Variants in KCNK13 observed in about 807,000 individuals in gnomAD.
KCNK13 encodes the protein potassium channel subfamily K member 13.
In KCNK13, 12 loss-of-function variants were observed where a neutral mutation model predicts 23.4. That is an observed-to-expected ratio of 0.51 (90% CI 0.33 to 0.83). KCNK13 has a LOEUF of 0.83. KCNK13 is among the 40% of genes least tolerant of loss of function. The pLI, the probability that KCNK13 is intolerant of heterozygous loss-of-function variation, is 0.02. For missense variants in KCNK13, 463 were observed against 556.3 expected (o/e 0.83, Z 1.69); for synonymous variants, 231 against 229.5 (o/e 1.01, Z -0.06).
chr14:90,153,428 T>C (rs1246546398), intron 1 of KCNK13, among the ~76,000 whole-genome samples: 21 of 152,200 alleles, frequency 1.4e-4, no homozygotes. Flanking sequence ...CTGAATAAAA[T>C]GATCCATGTA....
chr14:90,151,665 G>A (rs766297230), intron 1 of KCNK13, among the ~76,000 whole-genome samples: 9 of 151,816 alleles, frequency 5.9e-5, no homozygotes, highest in African/African-American at 9.7e-5. Flanking sequence ...GCTTTTTGTC[G>A]CCTGTGTTTT....
At chr14:90,175,214 G>T (rs1234157890) in intron 1 of KCNK13, among the ~76,000 whole-genome samples, 1 of 152,098 alleles carries the variant, frequency 6.6e-6, no homozygotes, top group Admixed American at 6.5e-5. Context: ...CTTCTCAGGG[G>T]TACCTAGGTA....
chr14:90,084,583 A>C (rs1217246264), intron 1 of KCNK13, among the ~76,000 whole-genome samples: 1 of 152,194 alleles, frequency 6.6e-6, no homozygotes, highest in African/African-American at 2.4e-5. Context: ...CTGTGTGTCC[A>C]GATAGTTTTA....
At chr14:90,133,615 A>C (rs1278918304) in intron 1 of KCNK13, among the ~76,000 whole-genome samples, 2 of 140,580 alleles carry the variant, frequency 1.4e-5, no homozygotes, top group Non-Finnish European at 3.1e-5. Context: ...AAAAAAAAAA[A>C]CAGTTAAGAA....
chr14:90,076,593 T>C (rs1408090114), intron 1 of KCNK13, among the ~76,000 whole-genome samples: 1 of 152,196 alleles, frequency 6.6e-6, no homozygotes, highest in Non-Finnish European at 1.5e-5. Context: ...AACCCCCATC[T>C]GCACGTGAGC....
At chr14:90,114,392 G>A (rs969769453) in intron 1 of KCNK13, among the ~76,000 whole-genome samples, 2 of 152,128 alleles carry the variant, frequency 1.3e-5, no homozygotes, top group South Asian at 2.1e-4. Context: ...CTGACATCTC[G>A]TTGACACCCG....
chr14:90,173,787 G>T (rs1369981162), intron 1 of KCNK13, among the ~76,000 whole-genome samples: 1 of 152,204 alleles, frequency 6.6e-6, no homozygotes, highest in Non-Finnish European at 1.5e-5. Flanking sequence ...ATATCTTGAA[G>T]CAGGGGCTTA....
intron 1 of KCNK13, among the ~76,000 whole-genome samples, chr14:90,108,357 C>G (rs1254195939): frequency 6.6e-6 from 1 of 152,172 alleles, no homozygotes; most frequent in African/African-American, 2.4e-5. Flanking sequence ...CTACAGACTC[C>G]TTCTCCACAA....
intron 1 of KCNK13, among the ~76,000 whole-genome samples, chr14:90,103,718 T>A (rs1462719805): frequency 2.4e-4 from 36 of 152,058 alleles, no homozygotes; most frequent in Non-Finnish European, 4.7e-4. Flanking sequence ...TCCCACTACC[T>A]TCCCCGGCTA....
At chr14:90,072,762 T>C (rs1889091188) in intron 1 of KCNK13, among the ~76,000 whole-genome samples, 1 of 152,234 alleles carries the variant, frequency 6.6e-6, no homozygotes, top group South Asian at 2.1e-4. Context: ...CATTATTTCC[T>C]ATACACTTTC....
chr14:90,181,572 AC>A (rs1314632954), intron 1 of KCNK13, among the ~76,000 whole-genome samples: 1 of 152,170 alleles, frequency 6.6e-6, no homozygotes, highest in Non-Finnish European at 1.5e-5. Flanking sequence ...AAACACTCAG[AC>A]CACGGCAGTG....
intron 1 of KCNK13, among the ~76,000 whole-genome samples, chr14:90,085,772 A>G (rs1308944022): frequency 2.6e-5 from 3 of 116,854 alleles, no homozygotes; most frequent in Admixed American, 1.9e-4. Flanking sequence ...TATATAAATT[A>G]TATATATTAT....
Position 90,062,431 on chromosome 14 carries a change from C to T in KCNK13, c.226C>T (p.Arg76Cys). The T allele has an allele frequency of 2.6e-6, 4 of 1,547,590 alleles. No individual in the cohort carries two copies. The highest frequency in any genetic ancestry group is 2.6e-6 in the Non-Finnish European group (3 of 1,146,138). Reference sequence around the variant, plus strand: ...CCGCGACGAGCTGCGCGGCTTCCTCCGCCACTACGAGGAGGCCACTCGGGC... The same window carrying T: ...CCGCGACGAGCTGCGCGGCTTCCTCTGCCACTACGAGGAGGCCACTCGGGC... The part of the protein sequence containing the change: ...LSRDELRGFL[R>C]HYEEATRAGI... Residue 76 changes from arginine to cysteine, a missense_variant, in exon 1 of 2, where the codon CGC (arginine) becomes TGC (cysteine). This residue lies in a region of KCNK13 where 153 missense variants were observed against 153.6 expected (regional missense o/e 1.00). Transcript: ENST00000282146. This position sits in a 1 kb window ranked among gnomAD's most constrained non-coding sequence, Gnocchi z 4.5.
At chr14:90,087,154 A>ACATATATATATATATATATTTTTT (rs1889289997) in intron 1 of KCNK13, among the ~76,000 whole-genome samples, 3 of 107,650 alleles carry the variant, frequency 2.8e-5, no homozygotes, top group African/African-American at 3.8e-5. Flanking sequence ...ATATATATAT[A>ACATATATATATATATATATTTTTT]TTTTTTTTTT....
chr14:90,133,088 G>C (rs112657147), intron 1 of KCNK13, among the ~76,000 whole-genome samples: 2,836 of 152,296 alleles, frequency 0.019, 40 homozygotes, highest in Middle Eastern at 0.027. Flanking sequence ...GCTCCGCAAA[G>C]AGATGTCAGC....
chr14:90,145,172 C>T (rs943643123), intron 1 of KCNK13, among the ~76,000 whole-genome samples: 4 of 152,210 alleles, frequency 2.6e-5, no homozygotes, highest in Admixed American at 1.3e-4. Context: ...CTTTGGGACG[C>T]TGAGGCTGAA....
chr14:90,174,911 G>A (rs899031702), intron 1 of KCNK13, among the ~76,000 whole-genome samples: 8 of 152,086 alleles, frequency 5.3e-5, no homozygotes, highest in Non-Finnish European at 1.2e-4. Flanking sequence ...TTTAGGGTCA[G>A]CAGAGAAGAA....
At chr14:90,098,647 G>A (rs1174898310) in intron 1 of KCNK13, among the ~76,000 whole-genome samples, 4 of 148,978 alleles carry the variant, frequency 2.7e-5, no homozygotes. Flanking sequence ...AGTGAGACTC[G>A]GTCTCCAAAA....
At chr14:90,152,315 C>G (rs534517085) in intron 1 of KCNK13, among the ~76,000 whole-genome samples, 1 of 152,304 alleles carries the variant, frequency 6.6e-6, no homozygotes, top group East Asian at 1.9e-4. Context: ...GCAGGCGGAT[C>G]ACCTGAGGTC....
Sources: gnomAD v4.1 joint callset for allele counts (sites outside exome capture counted in the v4.1 genomes callset) on GRCh38, gnomAD v4.1.1 for gene constraint, gnomAD v4.1.1 regional missense constraint, Gnocchi (gnomAD v3.1) non-coding constraint, MANE v1.5 for transcripts, NCBI Gene and HGNC (gene_info 2026-07-23, HGNC 2026-07-21) for gene names.